The following ROR2 variants were observed in gnomAD, a reference collection of about 807,000 sequenced individuals.
ROR2 encodes ROR family WNT receptor 2, also known as tyrosine-protein kinase transmembrane receptor ROR2.
ROR2 carries 33 observed loss-of-function variants against 74.9 expected under a neutral mutation model. The ratio of observed to expected loss-of-function variants is 0.44; its 90% CI spans 0.33 to 0.59. ROR2 has a LOEUF of 0.59. Ranked by LOEUF, ROR2 falls within the 20% of genes least tolerant of loss-of-function variation. The pLI, the probability that ROR2 is intolerant of heterozygous loss-of-function variation, is 0.02. For synonymous variants in ROR2, 586 were observed against 558.7 expected (o/e 1.05, Z -0.69); for missense variants, 1,216 against 1,313.8 (o/e 0.93, Z 1.15).
At chr9:91,904,906 C>T (rs1365684829) in intron 1 of ROR2, among the ~76,000 whole-genome samples, 3 of 152,246 alleles carry the variant, frequency 2.0e-5, no homozygotes, top group African/African-American at 7.2e-5. Context: ...GCAGAACACA[C>T]GTGTGCGCAC....
intron 1 of ROR2, among the ~76,000 whole-genome samples, chr9:91,945,890 C>G (rs547874912): frequency 6.6e-6 from 1 of 152,314 alleles, no homozygotes; most frequent in South Asian, 2.1e-4. Context: ...TCAACAAAAC[C>G]AAATAAATAC....
intron 1 of ROR2, among the ~76,000 whole-genome samples, chr9:91,841,115 C>T (rs1167587982): frequency 6.6e-6 from 1 of 152,194 alleles, no homozygotes; most frequent in African/African-American, 2.4e-5. Context: ...ATCAGTTGAC[C>T]GCCCTTGAGC....
intron 1 of ROR2, among the ~76,000 whole-genome samples, chr9:91,861,172 G>A (rs1829458376): frequency 6.6e-6 from 1 of 152,136 alleles, no homozygotes; most frequent in Non-Finnish European, 1.5e-5. Context: ...TACTGTTAAA[G>A]ATGGAAATAC....
In ROR2 at chr9:91,724,226, G is replaced by A. The variant is rs1355649451; in HGVS notation, c.2268C>T (p.Asn756=). Residue 756 remains asparagine (N), a synonymous_variant, in exon 9 of 9, where the codon AAC becomes AAT. Transcript: ENST00000375708. ...TGGCCCCCGAGGTCTGCGCCGAGCT[G>A]TTGTAGTTGGAAAGGTTGCCCCAGG... is the stretch of plus-strand genomic sequence containing the variant. The part of the protein sequence containing the change: ...LRAWGNLSNY[N]SSAQTSGASN... 2 of 1,613,458 alleles carry A rather than the reference G, an allele frequency of 1.2e-6. No individual in the cohort carries two copies. The highest frequency in any genetic ancestry group is 8.5e-7 in the Non-Finnish European group (1 of 1,180,030).
chr9:91,771,721 CT>C (rs1554758073), intron 2 of ROR2, among the ~76,000 whole-genome samples: 1 of 131,894 alleles, frequency 7.6e-6, no homozygotes, highest in Admixed American at 8.6e-5. Context: ...TCCTCTCTCT[CT>C]TCTCTCTCTC....
intron 1 of ROR2, among the ~76,000 whole-genome samples, chr9:91,927,351 T>C (rs1029891361): frequency 6.6e-6 from 1 of 152,150 alleles, no homozygotes; most frequent in Admixed American, 6.5e-5. Flanking sequence ...CTTCACAGCC[T>C]GCCTGCAAGA....
chr9:91,730,894 G>T lies in ROR2; in HGVS notation c.1183+16C>A, dbSNP rs1223936102. On this transcript the variant is annotated intron_variant, in intron 7 of 8. Coordinates refer to ENST00000375708, the MANE Select transcript of ROR2 (RefSeq NM_004560.4). ...CAACAATCAACACATTAAAAAAAGA[G>T]AGAGAGAATACATACTACACGAGGG... 2.5e-6 allele frequency: 4 copies of T among 1,614,018 alleles called. No individual in the cohort carries two copies. In the South Asian group the frequency reaches 4.4e-5, roughly 18 times the overall value.
At chr9:91,906,732 C>T (rs1466067458) in intron 1 of ROR2, among the ~76,000 whole-genome samples, 1 of 151,940 alleles carries the variant, frequency 6.6e-6, no homozygotes, top group Non-Finnish European at 1.5e-5. Flanking sequence ...ATTTTAGAAA[C>T]GTTTTGGTTT....
At chr9:91,939,670 G>T (rs1192688782) in intron 1 of ROR2, among the ~76,000 whole-genome samples, 1 of 151,994 alleles carries the variant, frequency 6.6e-6, no homozygotes, top group Non-Finnish European at 1.5e-5. Flanking sequence ...ACACCAAGAA[G>T]GAGAAAATTG....
chr9:91,722,647 T>G lies in ROR2; in HGVS notation c.*1015A>C, dbSNP rs555022115. ...ATACACCGGGTGTGGGATTTACAAA[T>G]AGGACCAACAATGTGTGCGGGGCAC... On this transcript the variant is annotated 3_prime_UTR_variant, in exon 9 of 9. Transcript: ENST00000375708. The G allele has an allele frequency of 1.4e-5, 11 of 779,606 alleles. No homozygotes were observed. In the South Asian group the frequency reaches 1.5e-4, roughly 10 times the overall value. 48.3% of individuals were successfully genotyped at this position (779,606 alleles called of 1,614,324 possible). A position where few individuals can be genotyped will look rare whatever the true frequency, so the allele number is the denominator to read the frequency against.
At position 91,737,456 on chromosome 9, in the gene ROR2, A is replaced by G. The variant is rs745469214; in HGVS notation, c.557T>C (p.Ile186Thr). 20 of 1,614,184 alleles carry G rather than the reference A, an allele frequency of 1.2e-5. No individual in the cohort carries two copies. Among genetic ancestry groups the G allele is most frequent in the Admixed American group, 1.7e-5 (1 of 60,028 alleles). The change falls in exon 5 of 9, where the codon ATT (isoleucine) becomes ACT (threonine). Residue 186 changes from isoleucine to threonine, a missense_variant. By Grantham distance (89) the Ile-to-Thr change is moderately conservative. Transcript: ENST00000375708. ...GTCCACATAAATGGTCCGGTTGCCAATGAAGCGTGCACAGGCAATTCCCCG... is the reference window on the plus strand; with the variant it reads ...GTCCACATAAATGGTCCGGTTGCCAGTGAAGCGTGCACAGGCAATTCCCCG... The part of the protein sequence containing the change: ...PYRGIACARF[I>T]GNRTIYVDSL...
intron 1 of ROR2, among the ~76,000 whole-genome samples, chr9:91,885,497 C>T (rs1033632051): frequency 6.6e-6 from 1 of 152,230 alleles, no homozygotes; most frequent in Non-Finnish European, 1.5e-5. Context: ...CAGGACTGAG[C>T]AGCGTGTGGC....
intron 1 of ROR2, among the ~76,000 whole-genome samples, chr9:91,889,376 T>C (rs1830368076): frequency 6.6e-6 from 1 of 152,172 alleles, no homozygotes; most frequent in Non-Finnish European, 1.5e-5. Flanking sequence ...GTCTCAAATC[T>C]ATACCATGAA....
intron 1 of ROR2, among the ~76,000 whole-genome samples, chr9:91,880,037 T>C (rs1830064033): frequency 1.3e-5 from 2 of 152,156 alleles, no homozygotes; most frequent in Non-Finnish European, 2.9e-5. Context: ...AAAATTCGTA[T>C]GTTGAAGCTG....
At chr9:91,738,384 GATGATTC>G (rs1825106833) in intron 4 of ROR2, among the ~76,000 whole-genome samples, 1 of 152,156 alleles carries the variant, frequency 6.6e-6, no homozygotes, top group African/African-American at 2.4e-5. Context: ...TAAGGGTGAG[GATGATTC>G]TTGAGGTGAA....
At chr9:91,829,361 G>A (rs571713006) in intron 1 of ROR2, among the ~76,000 whole-genome samples, 6 of 151,808 alleles carry the variant, frequency 4.0e-5, no homozygotes, top group South Asian at 4.2e-4. Flanking sequence ...TGGGCAACAC[G>A]GTGAAACCCC....
chr9:91,844,862 C>G (rs1243698127), intron 1 of ROR2, among the ~76,000 whole-genome samples: 1 of 152,170 alleles, frequency 6.6e-6, no homozygotes, highest in East Asian at 1.9e-4. Flanking sequence ...TTGCATGCTC[C>G]CATGGGACAG....
chr9:91,806,704 C>T (rs1371391698), intron 1 of ROR2, among the ~76,000 whole-genome samples: 1 of 152,172 alleles, frequency 6.6e-6, no homozygotes, highest in Admixed American at 6.5e-5. Flanking sequence ...ATTCTCCTGC[C>T]TCAGCCTCCC....
At position 91,724,729 on chromosome 9, in the gene ROR2, G is replaced by T. The variant is rs148271834; in HGVS notation, c.1765C>A (p.Pro589Thr). 3 of 1,614,126 alleles carry T rather than the reference G, an allele frequency of 1.9e-6. No homozygotes were observed. The highest frequency in any genetic ancestry group is 1.7e-5 in the Admixed American group (1 of 60,032). Residue 589 changes from proline (P) to threonine (T), a missense_variant, in exon 9 of 9, where the codon CCC becomes ACC. Physicochemically the swap from Pro to Thr is conservative, Grantham distance 38 (BLOSUM62 -1). Transcript: ENST00000375708. ...GCCACAAGGTGCACGAAGTCGGGGG[G>T]CTCCAGGGCGGACTTCACCGTGCGG... is the stretch of plus-strand genomic sequence containing the variant. Reference protein sequence around the residue: ...DDRTVKSALEPPDFVHLVAQI... With the variant: ...DDRTVKSALETPDFVHLVAQI...
Sources: allele counts gnomAD v4.1 joint callset (sites outside exome capture counted in the v4.1 genomes callset), GRCh38; gene constraint gnomAD v4.1.1; transcripts MANE v1.5; gene names NCBI Gene and HGNC (gene_info 2026-07-23, HGNC 2026-07-21).